Variants in TCTN1 observed in about 807,000 individuals in gnomAD.
The protein encoded by TCTN1 is tectonic family member 1.
Under a neutral mutation model 65.8 loss-of-function variants are expected in TCTN1, and 58 were observed. The observed-to-expected ratio is 0.88, with a 90% CI of 0.71 to 1.10. The LOEUF (loss-of-function observed/expected upper bound fraction) is 1.10, where lower values mean the gene tolerates loss of function less well. Ranked by LOEUF, TCTN1 falls within the 50% of genes least tolerant of loss-of-function variation. The pLI is 0.00. For synonymous variants in TCTN1, 273 were observed against 289.1 expected (o/e 0.94, Z 0.57); for missense variants, 645 against 719.4 (o/e 0.90, Z 1.18).
At chr12:110,628,133 G>C (rs967452951) in intron 3 of TCTN1, 4 of 1,535,948 alleles carry the variant, frequency 2.6e-6, no homozygotes, top group Non-Finnish European at 3.5e-6. Context: ...TCCGGAGAGA[G>C]CTTCTCCTTA....
intron 10 of TCTN1, chr12:110,641,865 T>A (rs2066980048): frequency 1.7e-6 from 1 of 575,996 alleles, no homozygotes; most frequent in African/African-American, 1.9e-5. Flanking sequence ...CAGTGTTTTT[T>A]TTTTTTAATC....
At chr12:110,614,452 G>C in intron 1 of TCTN1, 50 bp downstream of exon 1, 1 of 1,560,686 alleles carries the variant, frequency 6.4e-7, no homozygotes, top group Non-Finnish European at 8.7e-7. Context: ...CAACCTCAAG[G>C]GGACAGCCCC....
chr12:110,618,263 T>TG (rs1195543755), intron 1 of TCTN1, among the ~76,000 whole-genome samples: 1 of 151,340 alleles, frequency 6.6e-6, no homozygotes. Flanking sequence ...TTTTTTGAGA[T>TG]GGAGTCTCGC....
rs748758027 is a variant in TCTN1, at chr12:110,647,844, A to G, written c.1731A>G (p.Pro577=). ...CAGAGGCAGGCTTCAGAGCTCCACC[A>G]GCCATCAATGCCAGGCTGCCCTTTA... The part of the protein sequence containing the change: ...APAEAGFRAP[P]AINARLPFNF... Residue 577 remains proline, a synonymous_variant, in exon 14 of 15, where the codon CCA becomes CCG. Transcript: ENST00000397659. The G allele has an allele frequency of 5.0e-6, 8 of 1,614,240 alleles. No homozygotes were observed. The highest frequency in any genetic ancestry group is 6.8e-6 in the Non-Finnish European group (8 of 1,180,054).
chr12:110,623,255 C>A (rs1190840653), intron 2 of TCTN1, among the ~76,000 whole-genome samples: 1 of 152,258 alleles, frequency 6.6e-6, no homozygotes, highest in African/African-American at 2.4e-5. Context: ...CCTTGGTACT[C>A]AGAGTTTCCC....
intron 12 of TCTN1, chr12:110,645,427 G>A (rs1338519615): frequency 2.4e-6 from 1 of 408,950 alleles, no homozygotes; most frequent in Non-Finnish European, 4.6e-6. Context: ...CCCTGGGCAT[G>A]GTGCCTAGTG....
chr12:110,622,392 C>G (rs932562217), intron 2 of TCTN1, among the ~76,000 whole-genome samples: 1 of 152,144 alleles, frequency 6.6e-6, no homozygotes, highest in South Asian at 2.1e-4. Flanking sequence ...ATGAGTTAGG[C>G]ACTCTCCTGC....
intron 7 of TCTN1, among the ~76,000 whole-genome samples, chr12:110,637,950 A>C (rs1319311480): frequency 2.0e-5 from 3 of 152,192 alleles, no homozygotes; most frequent in Non-Finnish European, 4.4e-5. Flanking sequence ...ATTATGAGGA[A>C]TGTGATGGAT....
chr12:110,641,823 T>TG, intron 10 of TCTN1, 196 bp downstream of exon 10: 3 of 594,474 alleles, frequency 5.0e-6, no homozygotes, highest in South Asian at 4.2e-5. Flanking sequence ...GACTGGCAGT[T>TG]GGGGGTGAGA....
chr12:110,635,166 A>G (rs1285519647), intron 6 of TCTN1, among the ~76,000 whole-genome samples: 1 of 152,220 alleles, frequency 6.6e-6, no homozygotes, highest in Non-Finnish European at 1.5e-5. Flanking sequence ...AGAAGAGGAA[A>G]TCCACTTTCT....
At position 110,628,919 on chromosome 12, in the gene TCTN1, G is replaced by C. The variant is rs1329938350; in HGVS notation, c.624+1G>C. 1 of 1,613,356 alleles carries C rather than the reference G, an allele frequency of 6.2e-7. No homozygotes were observed. The highest frequency in any genetic ancestry group is 8.5e-7 in the Non-Finnish European group (1 of 1,179,926). ...TATTCCTACTGCTGCTAAATATGAG[G>C]TGAGCCTGAACTTGATTGATTCTTT... On this transcript the variant is annotated splice_donor_variant, in intron 4 of 14. Transcript: ENST00000397659. LOFTEE classifies it high-confidence loss of function.
At chr12:110,622,953 A>T (rs1379006777) in intron 2 of TCTN1, among the ~76,000 whole-genome samples, 1 of 152,090 alleles carries the variant, frequency 6.6e-6, no homozygotes, top group Non-Finnish European at 1.5e-5. Context: ...GGCTAGGGAG[A>T]AGTATCTAGA....
intron 4 of TCTN1, among the ~76,000 whole-genome samples, chr12:110,631,304 G>A (rs1329532867): frequency 1.4e-5 from 2 of 146,642 alleles, no homozygotes; most frequent in Non-Finnish European, 1.5e-5. Flanking sequence ...GGATTACGAT[G>A]TGAGCCACTG....
chr12:110,621,249 G>GA (rs1257055382), intron 2 of TCTN1, among the ~76,000 whole-genome samples: 1 of 152,182 alleles, frequency 6.6e-6, no homozygotes, highest in East Asian at 1.9e-4. Flanking sequence ...ACCCTTTTAA[G>GA]AAGTACAATG....
chr12:110,624,583 CT>C (rs763826656), intron 2 of TCTN1, among the ~76,000 whole-genome samples: 516 of 133,062 alleles, frequency 3.9e-3, no homozygotes, highest in Admixed American at 3.7e-3. Flanking sequence ...CTCATAACTT[CT>C]TTTTTTTTTT....
chr12:110,620,275 G>A (rs2065329252), intron 2 of TCTN1, among the ~76,000 whole-genome samples: 1 of 152,050 alleles, frequency 6.6e-6, no homozygotes, highest in Admixed American at 6.6e-5. Context: ...GGGCATGTTG[G>A]CGGGCACCTG....
Position 110,633,374 on chromosome 12 carries a change from G to A in TCTN1, c.712+815G>A, listed in dbSNP as rs188419324. On this transcript the variant is annotated intron_variant, in intron 5 of 14. Transcript: ENST00000397659. ...AACCAAACCAAAGGCTGGGTGTGGC[G>A]GCTATGCCTGTAATCCCAGCACTTT... Among the ~76,000 whole-genome samples the A allele has an allele frequency of 2.2e-3, 329 of 152,342 alleles. 3 individuals carry two copies. Among genetic ancestry groups the A allele is most frequent in the South Asian group, 0.017 (84 of 4,834 alleles).
rs779738070 is a variant in TCTN1 at position 110,649,361 on chromosome 12, C to G, written c.*320C>G. ...GGGGCAGCTGTTCCTCTCGTGACAGCACAGGCCCATGAGACAGTGTCTTCT... is the reference window on the plus strand; with the variant it reads ...GGGGCAGCTGTTCCTCTCGTGACAGGACAGGCCCATGAGACAGTGTCTTCT... On this transcript the variant is annotated 3_prime_UTR_variant, in exon 15 of 15. Coordinates refer to ENST00000397659, the MANE Select transcript of TCTN1 (RefSeq NM_001082538.3). 1.3e-6 allele frequency: 2 copies of G among 1,484,494 alleles called. No individual in the cohort carries two copies. Among genetic ancestry groups the G allele is most frequent in the Admixed American group, 3.4e-5 (2 of 58,122 alleles). 92.0% of individuals were successfully genotyped at this position (1,484,494 alleles called of 1,614,324 possible). A position where few individuals can be genotyped will look rare whatever the true frequency, so the allele number is the denominator to read the frequency against.
chr12:110,648,870 C>T, intron 14 of TCTN1, 173 bp from the exon 15 acceptor site: 1 of 377,162 alleles, frequency 2.7e-6, no homozygotes, highest in South Asian at 2.0e-5. Context: ...TGTCAGGTGG[C>T]AGAAAACAAT....
Sources: allele counts gnomAD v4.1 joint callset (sites outside exome capture counted in the v4.1 genomes callset), GRCh38; gene constraint gnomAD v4.1.1; transcripts MANE v1.5; gene names NCBI Gene and HGNC (gene_info 2026-07-23, HGNC 2026-07-21).